Variants in FGF11 observed in about 807,000 individuals in gnomAD.
The protein encoded by FGF11 is fibroblast growth factor homologous factor 3.
A neutral mutation model predicts 25.1 loss-of-function variants in FGF11; 25 were observed. That is an observed-to-expected ratio of 1.00 (90% CI 0.73 to 1.39). FGF11 has a LOEUF of 1.39. Among genes scored for constraint, FGF11 ranks in the 40% most tolerant of loss-of-function variants. FGF11 has a pLI of 0.00. For synonymous variants in FGF11, 130 were observed against 128.9 expected (o/e 1.01, Z -0.06); for missense variants, 320 against 311.0 (o/e 1.03, Z -0.22).
chr17:7,442,569 C>G, intron 3 of FGF11, 25 bp from the exon 4 acceptor site: 1 of 1,613,864 alleles, frequency 6.2e-7, no homozygotes, highest in Non-Finnish European at 8.5e-7. Flanking sequence ...TCTTTGTGCG[C>G]CTTTCTGGGT....
chr17:7,439,585 G>T lies in FGF11; in HGVS notation c.-36G>T. 1 of 1,379,860 alleles carries T rather than the reference G, an allele frequency of 7.2e-7. No homozygotes were observed. The highest frequency in any genetic ancestry group is 9.3e-7 in the Non-Finnish European group (1 of 1,074,718). The allele number at this position is 1,379,860 out of a possible 1,614,324, so 85.5% of individuals were successfully genotyped here. The stretch of plus-strand genomic sequence containing the variant: ...TGGGGGAGCCCAGCGCGCTCCGGGC[G>T]CCTGCCGGTTTGGGGGTGTCTCCTC... On this transcript the variant is annotated 5_prime_UTR_variant, in exon 1 of 5. Transcript: ENST00000293829.
At position 7,441,599 on chromosome 17, in the gene FGF11, C is replaced by G. The variant is rs1567674352; in HGVS notation, c.304+18C>G. 2 of 1,614,026 alleles carry G rather than the reference C, an allele frequency of 1.2e-6. No homozygotes were observed. The highest frequency in any genetic ancestry group is 1.7e-6 in the Non-Finnish European group (2 of 1,179,936). On this transcript the variant is annotated intron_variant, in intron 2 of 4. Transcript: ENST00000293829. Reference sequence around the variant, plus strand: ...CTCCTTCAGTGAGAGGGGAAGCTGGCTGCAGGGTGGGAAGGGGGAGAATGG... The same window carrying G: ...CTCCTTCAGTGAGAGGGGAAGCTGGGTGCAGGGTGGGAAGGGGGAGAATGG...
chr17:7,441,997 C>A, intron 3 of FGF11, 118 bp downstream of exon 3: 2 of 751,624 alleles, frequency 2.7e-6, no homozygotes, highest in Non-Finnish European at 4.2e-6. Flanking sequence ...CTCCTCCCTC[C>A]AGCTTTGCTG....
rs1908355937 is a variant in FGF11, at chr17:7,442,088, G to GAA, written c.408+209_408+210insAA. On this transcript the variant is annotated intron_variant, in intron 3 of 4. Coordinates refer to ENST00000293829, the MANE Select transcript of FGF11 (RefSeq NM_004112.4). Reference sequence around the variant, plus strand: ...CCACTCCTTGCACACCCCCAAAACAGCCCCAGGTTCTTTGAATGTCCAACT... The same window carrying GAA: ...CCACTCCTTGCACACCCCCAAAACAGAACCCCAGGTTCTTTGAATGTCCAACT... The GAA allele has an allele frequency of 1.3e-4, 63 of 489,972 alleles. No homozygotes were observed. In the South Asian group the frequency reaches 1.9e-3, roughly 15 times the overall value. 30.4% of individuals were successfully genotyped at this position (489,972 alleles called of 1,614,324 possible).
At chr17:7,441,224 C>T in intron 1 of FGF11, 1 of 468,542 alleles carries the variant, frequency 2.1e-6, no homozygotes, top group African/African-American at 2.0e-5. Context: ...AGGAATTAAG[C>T]CATTTAAATA....
chr17:7,441,615 G>A (rs574252055), intron 2 of FGF11, 34 bp downstream of exon 2: 56 of 1,613,268 alleles, frequency 3.5e-5, no homozygotes, highest in Non-Finnish European at 4.7e-5. Flanking sequence ...GGTGGGAAGG[G>A]GGAGAATGGG....
In FGF11 at chr17:7,439,703, G is replaced by C. The variant is rs768867939; in HGVS notation, c.83G>C (p.Arg28Pro). 1 of 1,565,138 alleles carries C rather than the reference G, an allele frequency of 6.4e-7. No homozygotes were observed. Residue 28 changes from arginine (R) to proline (P), a missense_variant, in exon 1 of 5, where the codon CGG (arginine) becomes CCG (proline). By Grantham distance (103) the Arg-to-Pro change is moderately radical (BLOSUM62 -2). Coordinates refer to ENST00000293829, the MANE Select transcript of FGF11 (RefSeq NM_004112.4). ...GGCAGCCGGCCGGTGTCGGCGCAGCGGCGCGTGTGTCCCCGCGGCACCAAG... is the reference window on the plus strand; with the variant it reads ...GGCAGCCGGCCGGTGTCGGCGCAGCCGCGCGTGTGTCCCCGCGGCACCAAG... ...PGGSRPVSAQ[R>P]RVCPRGTKSL...
intron 3 of FGF11, 114 bp from the exon 4 acceptor site, chr17:7,442,480 G>T (rs1597744724): frequency 1.3e-6 from 2 of 1,552,558 alleles, no homozygotes; most frequent in East Asian, 2.3e-5. Context: ...CTCAGAAGTT[G>T]TCCTCCCCCT....
At position 7,441,431 on chromosome 17, in the gene FGF11, C is replaced by T. The variant is rs372945397; in HGVS notation, c.194-40C>T. ...CCAAGTGTAGGAATGTTTCTGGGAA[C>T]GGAGATGTCATTTTCAAAGATGAAT... On this transcript the variant is annotated intron_variant, in intron 1 of 4. Transcript: ENST00000293829. The T allele has an allele frequency of 4.3e-4, 689 of 1,611,996 alleles. 5 individuals carry two copies. The Middle Eastern group carries it at 6.1e-3, about 14-fold the overall frequency.
At chr17:7,439,884 G>A in intron 1 of FGF11, 71 bp downstream of exon 1, 1 of 1,272,472 alleles carries the variant, frequency 7.9e-7, no homozygotes, top group Non-Finnish European at 1.0e-6. Context: ...CAGGGACTCT[G>A]AAGAATAGGG....
chr17:7,438,547 A>T (rs903461930), upstream of FGF11: 2 of 152,788 alleles, frequency 1.3e-5, no homozygotes, highest in African/African-American at 4.8e-5. Flanking sequence ...GGGCGTCGGG[A>T]AAAGGAAGAG....
intron 1 of FGF11, 114 bp from the exon 2 acceptor site, chr17:7,441,357 C>G: frequency 6.9e-7 from 1 of 1,440,302 alleles, no homozygotes; most frequent in Non-Finnish European, 9.4e-7. Context: ...AGCTGGGGCC[C>G]TGGGACCCTC....
Position 7,440,135 on chromosome 17 carries a change from G to A in FGF11, c.193+322G>A. 2 of 278,310 alleles carry A rather than the reference G, an allele frequency of 7.2e-6. No homozygotes were observed. Among genetic ancestry groups the A allele is most frequent in the East Asian group, 1.2e-4 (2 of 16,840 alleles). 17.2% of individuals were successfully genotyped at this position (278,310 alleles called of 1,614,324 possible). A position where few individuals can be genotyped will look rare whatever the true frequency, so the allele number is the denominator to read the frequency against. ...GTCCTCCGCCTACGTGCCGGTTCTC[G>A]CGATTCTTTCAATCTGGAGCGGAGG... is the stretch of plus-strand genomic sequence containing the variant. On this transcript the variant is annotated intron_variant, in intron 1 of 4. Coordinates refer to ENST00000293829, the MANE Select transcript of FGF11 (RefSeq NM_004112.4). This position sits in a 1 kb window ranked among gnomAD's most constrained non-coding sequence, Gnocchi z 5.4.
chr17:7,442,736 G>A lies in FGF11; in HGVS notation c.551G>A (p.Gly184Glu), dbSNP rs149118209. 241 of 1,613,950 alleles carry A rather than the reference G, an allele frequency of 1.5e-4. No individual in the cohort carries two copies. Among genetic ancestry groups the A allele is most frequent in the Non-Finnish European group, 1.9e-4 (225 of 1,179,958 alleles). Residue 184 changes from glycine to glutamate, a missense_variant, in exon 4 of 5, where the codon GGA becomes GAA. By Grantham distance (98) the Gly-to-Glu change is moderately conservative. Transcript: ENST00000293829. ...GLDKEGQVMK[G>E]NRVKKTKAAA... ...GACAAGGAGGGCCAGGTCATGAAGG[G>A]AAACCGAGTTAAGAAGACCAAGGCA...
At position 7,440,983 on chromosome 17, in the gene FGF11, A is replaced by G; in HGVS notation, c.194-488A>G. ...CTGGGCCAAGGCAAGGCTCTCGCCA[A>G]GCTAGCGGCAGCCGCAGCAGGTGCT... On this transcript the variant is annotated intron_variant, in intron 1 of 4. Transcript: ENST00000293829. This position sits in a 1 kb window ranked among gnomAD's most constrained non-coding sequence, Gnocchi z 5.4. The G allele has an allele frequency of 2.0e-6, 2 of 1,002,590 alleles. No homozygotes were observed. The highest frequency in any genetic ancestry group is 2.4e-6 in the Non-Finnish European group (2 of 837,742). 62.1% of individuals were successfully genotyped at this position (1,002,590 alleles called of 1,614,324 possible). A position where few individuals can be genotyped will look rare whatever the true frequency, so the allele number is the denominator to read the frequency against.
At position 7,440,558 on chromosome 17, in the gene FGF11, G is replaced by A; in HGVS notation, c.193+745G>A. ...ACCTACAAGGGGGGACAGGGAAGTC[G>A]GCAGAGAGCAAGCGATGGGGGAGGA... On this transcript the variant is annotated intron_variant, in intron 1 of 4. Transcript: ENST00000293829. This position sits in a 1 kb window ranked among gnomAD's most constrained non-coding sequence, Gnocchi z 5.4. 1.5e-6 allele frequency: 1 copy of A among 683,602 alleles called. No individual in the cohort carries two copies. Among genetic ancestry groups the A allele is most frequent in the Non-Finnish European group, 1.8e-6 (1 of 554,216 alleles). 42.3% of individuals were successfully genotyped at this position (683,602 alleles called of 1,614,324 possible).
chr17:7,443,136 C>T lies in FGF11; in HGVS notation c.668C>T (p.Pro223Leu), dbSNP rs373959662. ...CCCGAGGCCTCCCCTTCCAGTCCCC[C>T]TGCCCCCTGAAATGTAGTCCCTGGA... Reference protein sequence around the residue: ...SVPEASPSSPPAP With the variant: ...SVPEASPSSPLAP The change falls in exon 5 of 5, where the codon CCT becomes CTT. Residue 223 changes from proline to leucine, a missense_variant. Pro to Leu is a moderately conservative substitution (Grantham distance 98). Transcript: ENST00000293829. 3.2e-5 allele frequency: 51 copies of T among 1,599,996 alleles called. No homozygotes were observed. The highest frequency in any genetic ancestry group is 4.3e-5 in the Non-Finnish European group (50 of 1,168,618).
At chr17:7,441,007 C>A in intron 1 of FGF11, 1 of 981,140 alleles carries the variant, frequency 1.0e-6, no homozygotes, top group Non-Finnish European at 1.2e-6. Flanking sequence ...GCAGCAGGTG[C>A]TGAGTCAGCG....
In FGF11 at chr17:7,439,689, G is replaced by A. The variant is rs377245894; in HGVS notation, c.69G>A (p.Pro23=). The change falls in exon 1 of 5, where the codon CCG becomes CCA. Residue 23 remains proline (P), a synonymous_variant. Coordinates refer to ENST00000293829, the MANE Select transcript of FGF11 (RefSeq NM_004112.4). ...TCCGCGAGCCCGGGGGCAGCCGGCC[G>A]GTGTCGGCGCAGCGGCGCGTGTGTC... ...REVREPGGSR[P]VSAQRRVCPR... The A allele has an allele frequency of 2.6e-6, 4 of 1,552,548 alleles. No individual in the cohort carries two copies. Among genetic ancestry groups the A allele is most frequent in the Non-Finnish European group, 3.5e-6 (4 of 1,155,814 alleles).
Sources: gnomAD v4.1 joint callset for allele counts on GRCh38, gnomAD v4.1.1 for gene constraint, Gnocchi (gnomAD v3.1) non-coding constraint, MANE v1.5 for transcripts, NCBI Gene and HGNC (gene_info 2026-07-23, HGNC 2026-07-21) for gene names.